Variants in RBM19 observed in about 807,000 individuals in gnomAD.
The protein encoded by RBM19 is RNA binding motif protein 19.
In RBM19, 94 loss-of-function variants were observed where a neutral mutation model predicts 116.8. The ratio of observed to expected loss-of-function variants is 0.80; its 90% CI spans 0.68 to 0.95. RBM19 has a LOEUF of 0.95. RBM19 is among the 40% of genes least tolerant of loss of function. RBM19 has a pLI of 0.00. For synonymous variants in RBM19, 475 were observed against 494.1 expected, an observed-to-expected ratio of 0.96 and a Z score of 0.51; for missense variants, 1,161 against 1,220.7, an observed-to-expected ratio of 0.95 and a Z score of 0.73.
At chr12:113,935,034 G>A (rs116506539) in intron 16 of RBM19, among the ~76,000 whole-genome samples, 1,780 of 152,270 alleles carry the variant, frequency 0.012, 37 homozygotes, top group African/African-American at 0.041. Context: ...AAGTCTGGCT[G>A]AGATAGGAAA....
intron 22 of RBM19, among the ~76,000 whole-genome samples, chr12:113,857,208 T>C (rs1449948452): frequency 6.6e-6 from 1 of 152,234 alleles, no homozygotes; most frequent in Non-Finnish European, 1.5e-5. Context: ...CTGTACTCTC[T>C]TCTATCCACA....
intron 18 of RBM19, among the ~76,000 whole-genome samples, chr12:113,922,200 A>G (rs910946351): frequency 6.6e-5 from 10 of 152,180 alleles, no homozygotes; most frequent in African/African-American, 2.4e-4. Context: ...TTCTTCCTGT[A>G]GAGCCCACTT....
intron 23 of RBM19, among the ~76,000 whole-genome samples, chr12:113,839,290 G>A (rs1876246608): frequency 6.6e-6 from 1 of 152,242 alleles, no homozygotes; most frequent in African/African-American, 2.4e-5. Context: ...AGGGCAGGAG[G>A]CCAGCAGGCC....
chr12:113,954,216 G>C (rs1014145604), intron 7 of RBM19, among the ~76,000 whole-genome samples: 1 of 152,074 alleles, frequency 6.6e-6, no homozygotes, highest in African/African-American at 2.4e-5. Flanking sequence ...AGACAAAAAC[G>C]TCCAAGAAGA....
At chr12:113,835,629 A>G (rs1241333515) in intron 23 of RBM19, among the ~76,000 whole-genome samples, 4 of 152,170 alleles carry the variant, frequency 2.6e-5, no homozygotes, top group African/African-American at 9.7e-5. Context: ...TGTTTGCTGG[A>G]GGCCGGCGAC....
chr12:113,831,759 A>G (rs1875434274), intron 23 of RBM19, among the ~76,000 whole-genome samples: 1 of 152,212 alleles, frequency 6.6e-6, no homozygotes, highest in Admixed American at 6.5e-5. Flanking sequence ...GAAGGGGAAG[A>G]GAGTGTGCGG....
chr12:113,948,687 G>T, intron 10 of RBM19, 146 bp downstream of exon 10: 1 of 751,456 alleles, frequency 1.3e-6, no homozygotes, highest in Non-Finnish European at 2.1e-6. Context: ...CAGCTCAGGG[G>T]TACTTGGTCC....
chr12:113,853,750 G>A (rs1565976030), intron 22 of RBM19, among the ~76,000 whole-genome samples: 1 of 152,308 alleles, frequency 6.6e-6, no homozygotes, highest in East Asian at 1.9e-4. Flanking sequence ...CCTCAGTGAG[G>A]CTACTCCTGG....
intron 10 of RBM19, among the ~76,000 whole-genome samples, chr12:113,947,810 G>C (rs1871161900): frequency 6.6e-6 from 1 of 152,218 alleles, no homozygotes; most frequent in African/African-American, 2.4e-5. Flanking sequence ...TGTCTTCCAT[G>C]ATGATATTAG....
At chr12:113,869,691 G>C (rs1879078986) in intron 21 of RBM19, among the ~76,000 whole-genome samples, 1 of 151,940 alleles carries the variant, frequency 6.6e-6, no homozygotes, top group Non-Finnish European at 1.5e-5. Flanking sequence ...CACGAAATGT[G>C]AAAAGAGGAA....
intron 15 of RBM19, among the ~76,000 whole-genome samples, chr12:113,937,672 G>C: frequency 6.6e-6 from 1 of 151,600 alleles, no homozygotes; most frequent in South Asian, 2.1e-4. Flanking sequence ...GGAAGCTGAG[G>C]TGGGAGGATC....
In RBM19 at chr12:113,950,291, A is replaced by G. The variant is rs1270835762; in HGVS notation, c.1001-137T>C. The G allele has an allele frequency of 5.9e-6, 4 of 682,526 alleles. No homozygotes were observed. The Admixed American group carries it at 8.1e-5, about 14-fold the overall frequency. 42.3% of individuals were successfully genotyped at this position (682,526 alleles called of 1,614,324 possible). ...TACCTTGGTCAGATCTCCAAAATACAAAGGGTCTCCCTCTCTCTGTCTCCC... is the reference window on the plus strand; with the variant it reads ...TACCTTGGTCAGATCTCCAAAATACGAAGGGTCTCCCTCTCTCTGTCTCCC... On this transcript the variant is annotated intron_variant, in intron 8 of 23. Coordinates refer to ENST00000261741, the MANE Select transcript of RBM19 (RefSeq NM_016196.4).
intron 16 of RBM19, among the ~76,000 whole-genome samples, chr12:113,930,735 A>T (rs1869531844): frequency 6.6e-6 from 1 of 152,164 alleles, no homozygotes; most frequent in Non-Finnish European, 1.5e-5. Context: ...TCTTTCCCTG[A>T]ACCTTGAGTT....
intron 21 of RBM19, among the ~76,000 whole-genome samples, chr12:113,907,571 CG>C (rs1297996276): frequency 6.6e-6 from 1 of 152,170 alleles, no homozygotes; most frequent in Non-Finnish European, 1.5e-5. Context: ...GGAAATGACC[CG>C]GTCCTCGCGG....
rs529095101 is a variant in RBM19 at position 113,936,100 on chromosome 12, T to A, written c.2068+907A>T. Reference sequence around the variant, plus strand: ...GACAGTGTTCCTCCCCATTTTTTTTTAACTATGAAATGTCCTTTAAAAAAA... The same window carrying A: ...GACAGTGTTCCTCCCCATTTTTTTTAAACTATGAAATGTCCTTTAAAAAAA... On this transcript the variant is annotated intron_variant, in intron 16 of 23. Transcript: ENST00000261741. 9.2e-5 allele frequency among the ~76,000 whole-genome samples: 14 copies of A among 152,092 alleles called. No individual in the cohort carries two copies. The East Asian group carries it at 2.3e-3, about 25-fold the overall frequency.
intron 20 of RBM19, 74 bp from the exon 21 acceptor site, chr12:113,915,159 G>T: frequency 8.6e-7 from 1 of 1,167,646 alleles, no homozygotes; most frequent in Non-Finnish European, 1.3e-6. Context: ...ACTCCACTAC[G>T]CCTCCATCAG....
chr12:113,867,927 GAATAAATA>G (rs34927476), intron 21 of RBM19, among the ~76,000 whole-genome samples: 1 of 151,782 alleles, frequency 6.6e-6, no homozygotes, highest in Admixed American at 6.6e-5. Context: ...ACTCTTGTCT[GAATAAATA>G]AATAAATAAA....
At chr12:113,841,596 T>G (rs1876482478) in intron 23 of RBM19, among the ~76,000 whole-genome samples, 2 of 152,084 alleles carry the variant, frequency 1.3e-5, no homozygotes, top group South Asian at 4.2e-4. Flanking sequence ...GCTATTTTTT[T>G]GTATTTTTAG....
chr12:113,924,946 T>C (rs1207538346), intron 17 of RBM19, among the ~76,000 whole-genome samples, 189 bp from the exon 18 acceptor site: 2 of 152,178 alleles, frequency 1.3e-5, no homozygotes, highest in African/African-American at 4.8e-5. Flanking sequence ...TAAGAGCAGC[T>C]GGGCTTGTTT....
Sources: gnomAD v4.1 joint callset for allele counts (sites outside exome capture counted in the v4.1 genomes callset) on GRCh38, gnomAD v4.1.1 for gene constraint, MANE v1.5 for transcripts, NCBI Gene and HGNC (gene_info 2026-07-23, HGNC 2026-07-21) for gene names.